Variants in DST observed in about 807,000 individuals in gnomAD.
DST encodes the protein bullous pemphigoid antigen.
DST carries 253 observed loss-of-function variants against 875.2 expected under a neutral mutation model. The ratio of observed to expected loss-of-function variants is 0.29; its 90% CI spans 0.26 to 0.32. The LOEUF (loss-of-function observed/expected upper bound fraction) is 0.32. Ranked by LOEUF, DST falls within the 10% of genes least tolerant of loss-of-function variation. The probability of loss-of-function intolerance (pLI) is 1.00; values close to 1 mark genes in which losing one functional copy is unlikely to be tolerated. For synonymous variants in DST, 3,124 were observed against 3,197.1 expected (o/e 0.98, Z 0.77); for missense variants, 8,287 against 9,111.6 (o/e 0.91, Z 3.68).
rs773581650 is a variant in DST, at chr6:56,620,343, C to T, written c.4929+4187G>A. 16 of 1,614,060 alleles carry T rather than the reference C, an allele frequency of 9.9e-6. No individual in the cohort carries two copies. The highest frequency in any genetic ancestry group is 1.6e-4 in the Middle Eastern group (1 of 6,084). ...CGAAAATTCAGGAGGTTCTCTTCCA[C>T]GGCAGCTCTTTTAGCCTCGGCCTCT... On this transcript the variant is annotated intron_variant, in intron 36 of 103. Transcript: ENST00000680361.
rs1016975654 is a variant in DST, at chr6:56,568,350, A to T, written c.14005+119T>A. 3.5e-5 allele frequency: 38 copies of T among 1,093,996 alleles called. No individual in the cohort carries two copies. In the African/African-American group the frequency reaches 4.7e-4, roughly 14 times the overall value. The allele number at this position is 1,093,996 out of a possible 1,614,324, so 67.8% of individuals were successfully genotyped here. ...GCTTACAGATGCCATGTTTCTTGTC[A>T]CTTTCACTTTGTATTTCTGAGGTTA... On this transcript the variant is annotated intron_variant, in intron 55 of 103. Coordinates refer to ENST00000680361, the MANE Select transcript of DST (RefSeq NM_001374736.1).
rs577213409 is a variant in DST at position 56,572,869 on chromosome 6, T to C, written c.13432A>G (p.Lys4478Glu). Reference sequence around the variant, plus strand: ...GAGAGGTTCTCAAACAGTTCTACTTTGGTTTTTAGCTCCTCCATTTTGGCA... The same window carrying C: ...GAGAGGTTCTCAAACAGTTCTACTTCGGTTTTTAGCTCCTCCATTTTGGCA... ...TLAKMEELKT[K>E]VELFENLSEK... The change falls in exon 52 of 104, where the codon AAA becomes GAA. Residue 4478 changes from lysine to glutamate, a missense_variant. This residue lies in a region of DST where 1,513 missense variants were observed against 1,677.8 expected (regional missense o/e 0.90). Coordinates refer to ENST00000680361, the MANE Select transcript of DST (RefSeq NM_001374736.1). The C allele has an allele frequency of 2.5e-6, 4 of 1,613,506 alleles. No homozygotes were observed. In the African/African-American group the frequency reaches 4.0e-5, roughly 16 times the overall value.
At position 56,492,443 on chromosome 6, in the gene DST, A is replaced by G. The variant is rs191932729; in HGVS notation, c.20551-10T>C. On this transcript the variant is annotated splice_polypyrimidine_tract_variant and intron_variant, in intron 84 of 103. Transcript: ENST00000680361. ...CTTCATTGGCAAAAACCTTTCCCAGAAAAAAAGGAAATAAGTAGAAACAAA... is the reference window on the plus strand; with the variant it reads ...CTTCATTGGCAAAAACCTTTCCCAGGAAAAAAGGAAATAAGTAGAAACAAA... The G allele has an allele frequency of 1.1e-3, 1,770 of 1,600,210 alleles. 3 individuals are homozygous for G. Among genetic ancestry groups the G allele is most frequent in the Non-Finnish European group, 1.2e-3 (1,384 of 1,174,330 alleles).
At chr6:56,537,022 A>G in intron 61 of DST, 82 bp from the exon 62 acceptor site, 1 of 1,274,738 alleles carries the variant, frequency 7.8e-7, no homozygotes, top group Non-Finnish European at 1.1e-6. Flanking sequence ...TTTAGGCATC[A>G]GGTTGTGGAA....
Position 56,529,960 on chromosome 6 carries a change from G to C in DST, c.17268+14C>G. 1 of 1,612,080 alleles carries C rather than the reference G, an allele frequency of 6.2e-7. No homozygotes were observed. Among genetic ancestry groups the C allele is most frequent in the Non-Finnish European group, 8.5e-7 (1 of 1,179,186 alleles). On this transcript the variant is annotated intron_variant, in intron 65 of 103. Transcript: ENST00000680361. ...TAAAAACTGAACCTCGCTAATGTGT[G>C]ATTTATATCTTACTTTGTGCTGTGC...
chr6:56,632,267 G>A (rs1158335936), intron 28 of DST, among the ~76,000 whole-genome samples: 2 of 151,992 alleles, frequency 1.3e-5, no homozygotes, highest in African/African-American at 2.4e-5. Context: ...ACCAATTTCC[G>A]ATTAAATGCT....
intron 10 of DST, among the ~76,000 whole-genome samples, chr6:56,668,875 G>A (rs929990955): frequency 6.6e-6 from 1 of 151,858 alleles, no homozygotes; most frequent in African/African-American, 2.4e-5. Flanking sequence ...AAAATAAAAA[G>A]GGAGAAAGAA....
rs774110620 is a variant in DST, at chr6:56,772,445, T to G, written c.626-37156A>C. On this transcript the variant is annotated intron_variant, in intron 4 of 103. Transcript: ENST00000680361. ...GAAACGGCACATACTGCAAGCTAAC[T>G]CTCTTCGATCTGCTCCTAGAACTGC... 3.5e-4 allele frequency among the ~76,000 whole-genome samples: 54 copies of G among 152,228 alleles called. 1 individual carries two copies. The highest frequency in any genetic ancestry group is 6.2e-4 in the Non-Finnish European group (42 of 68,004).
At chr6:56,732,723 C>A (rs912976808) in intron 5 of DST, among the ~76,000 whole-genome samples, 1 of 152,212 alleles carries the variant, frequency 6.6e-6, no homozygotes, top group Non-Finnish European at 1.5e-5. Flanking sequence ...TAAATCACAA[C>A]TTCCTAAGTC....
intron 4 of DST, among the ~76,000 whole-genome samples, chr6:56,840,605 AAC>A (rs1207206095): frequency 6.6e-6 from 1 of 152,194 alleles, no homozygotes; most frequent in Non-Finnish European, 1.5e-5. Context: ...TAATTCAGCA[AAC>A]AGTTGCCTAT....
chr6:56,744,332 T>C (rs539004085), intron 4 of DST, among the ~76,000 whole-genome samples: 4 of 151,116 alleles, frequency 2.6e-5, no homozygotes, highest in Non-Finnish European at 5.9e-5. Flanking sequence ...AAGGATCAGA[T>C]GTGAATTTTA....
Position 56,633,021 on chromosome 6 carries a change from G to A in DST, c.3638C>T (p.Pro1213Leu), listed in dbSNP as rs2098794255. The A allele has an allele frequency of 6.2e-7, 1 of 1,613,808 alleles. No individual in the cohort carries two copies. The highest frequency in any genetic ancestry group is 8.5e-7 in the Non-Finnish European group (1 of 1,179,896). Residue 1213 changes from proline to leucine, a missense_variant, in exon 28 of 104, where the codon CCT (proline) becomes CTT (leucine). Coordinates refer to ENST00000680361, the MANE Select transcript of DST (RefSeq NM_001374736.1). The stretch of plus-strand genomic sequence containing the variant: ...ACTTAGAACTTGCTGATGTTCACCA[G>A]GTAGCATTGTCTTTATCTAAAGAAG... ...SNVASIKTML[P>L]GEHQQVLSNL...
chr6:56,471,762 C>A (rs1296231455), intron 94 of DST: 3 of 442,098 alleles, frequency 6.8e-6, no homozygotes, highest in Non-Finnish European at 1.2e-5. Context: ...CAGGCAGCAT[C>A]ACCAGCAAAC....
At chr6:56,586,194 G>A (rs888694604) in intron 49 of DST, among the ~76,000 whole-genome samples, 1 of 151,078 alleles carries the variant, frequency 6.6e-6, no homozygotes, top group Admixed American at 6.6e-5. Flanking sequence ...TTGACAGTGG[G>A]GTGTTAAAGT....
rs1207433418 is a variant in DST, at chr6:56,701,829, T to A, written c.954+59A>T. Reference sequence around the variant, plus strand: ...ACCTTGTCATTCCTTGACATGTTTCTACGTGGATGTATTAGTAACATATAT... The same window carrying A: ...ACCTTGTCATTCCTTGACATGTTTCAACGTGGATGTATTAGTAACATATAT... On this transcript the variant is annotated intron_variant, in intron 8 of 103. Transcript: ENST00000680361. The A allele has an allele frequency of 7.5e-6, 8 of 1,065,922 alleles. No homozygotes were observed. The East Asian group carries it at 1.7e-4, about 23-fold the overall frequency. 66.0% of individuals were successfully genotyped at this position (1,065,922 alleles called of 1,614,324 possible).
intron 55 of DST, 128 bp downstream of exon 55, chr6:56,568,341 T>C: frequency 1.0e-6 from 1 of 1,001,308 alleles, no homozygotes; most frequent in Non-Finnish European, 1.4e-6. Flanking sequence ...AGATGCCATG[T>C]TTCTTGTCAC....
intron 5 of DST, 113 bp downstream of exon 5, chr6:56,735,115 A>T: frequency 1.3e-6 from 1 of 766,282 alleles, no homozygotes; most frequent in East Asian, 2.7e-5. Flanking sequence ...TCTAGAATTT[A>T]AACTTTCAAG....
intron 3 of DST, among the ~76,000 whole-genome samples, chr6:56,897,947 A>C (rs9475745): frequency 0.044 from 6,755 of 152,188 alleles, 455 homozygotes; most frequent in African/African-American, 0.15. Context: ...ATTAAGACCA[A>C]TGCCCTCTGC....
chr6:56,576,374 T>G (rs2097863196), intron 50 of DST, among the ~76,000 whole-genome samples: 1 of 152,200 alleles, frequency 6.6e-6, no homozygotes, highest in Middle Eastern at 3.2e-3. Context: ...ATGGGAATCC[T>G]AATTTATAGC....
Sources: gnomAD v4.1 joint callset for allele counts (sites outside exome capture counted in the v4.1 genomes callset) on GRCh38, gnomAD v4.1.1 for gene constraint, gnomAD v4.1.1 regional missense constraint, MANE v1.5 for transcripts, NCBI Gene and HGNC (gene_info 2026-07-23, HGNC 2026-07-21) for gene names.